TAFA4: variants seen among roughly 807,000 people sequenced by gnomAD.
TAFA4 encodes TAFA chemokine like family member 4.
A neutral mutation model predicts 21.1 loss-of-function variants in TAFA4; 20 were observed. That is an observed-to-expected ratio of 0.95 (90% CI 0.67 to 1.38). The LOEUF (loss-of-function observed/expected upper bound fraction) is 1.38, where lower values mean the gene tolerates loss of function less well. Ranked by LOEUF, TAFA4 falls within the 40% of genes most tolerant of loss-of-function variation. The probability of loss-of-function intolerance (pLI) is 0.00; values close to 1 mark genes in which losing one functional copy is unlikely to be tolerated. For synonymous variants in TAFA4, 71 were observed against 67.4 expected (o/e 1.05, Z -0.26); for missense variants, 211 against 180.9 (o/e 1.17, Z -0.95).
chr3:68,767,262 T>G (rs1023288304), intron 3 of TAFA4, among the ~76,000 whole-genome samples: 10 of 151,998 alleles, frequency 6.6e-5, no homozygotes, highest in Admixed American at 4.6e-4. Flanking sequence ...TAGAGAGAGA[T>G]ATGGGGCCCA....
At chr3:68,738,246 G>GC (rs1702279253) in intron 5 of TAFA4, among the ~76,000 whole-genome samples, 1 of 152,164 alleles carries the variant, frequency 6.6e-6, no homozygotes, top group African/African-American at 2.4e-5. Flanking sequence ...CTGACAAAAG[G>GC]CCAGGATGTT....
chr3:68,787,708 C>T (rs963087034), intron 3 of TAFA4, among the ~76,000 whole-genome samples: 3 of 152,164 alleles, frequency 2.0e-5, no homozygotes, highest in African/African-American at 2.4e-5. Flanking sequence ...TGGTACAGTC[C>T]CTGACTGCAT....
At chr3:68,842,625 A>G (rs1329884997) in intron 3 of TAFA4, among the ~76,000 whole-genome samples, 1 of 152,154 alleles carries the variant, frequency 6.6e-6, no homozygotes, top group Non-Finnish European at 1.5e-5. Flanking sequence ...GTCCATGCCT[A>G]TGTCCTGAGT....
At chr3:68,810,058 T>A (rs912364946) in intron 3 of TAFA4, among the ~76,000 whole-genome samples, 2 of 152,178 alleles carry the variant, frequency 1.3e-5, no homozygotes, top group Non-Finnish European at 2.9e-5. Context: ...CTATTCAGGG[T>A]CTTTTGTGGT....
intron 3 of TAFA4, among the ~76,000 whole-genome samples, chr3:68,858,254 T>C (rs1010716254): frequency 5.3e-5 from 8 of 152,124 alleles, no homozygotes; most frequent in Non-Finnish European, 1.2e-4. Flanking sequence ...CACGGCATCC[T>C]TTCTACATGC....
intron 3 of TAFA4, among the ~76,000 whole-genome samples, chr3:68,768,624 A>T (rs908720020): frequency 6.6e-6 from 1 of 152,146 alleles, no homozygotes; most frequent in African/African-American, 2.4e-5. Context: ...ATAAAATCAT[A>T]TGCCAAAAAA....
intron 1 of TAFA4, among the ~76,000 whole-genome samples, chr3:68,921,260 G>A (rs769795136): frequency 5.3e-5 from 8 of 151,872 alleles, no homozygotes; most frequent in Non-Finnish European, 1.0e-4. Flanking sequence ...CAGTCCATCC[G>A]CTCTGCTTGG....
At chr3:68,835,572 T>C (rs1234265481) in intron 3 of TAFA4, among the ~76,000 whole-genome samples, 1 of 152,236 alleles carries the variant, frequency 6.6e-6, no homozygotes, top group African/African-American at 2.4e-5. Context: ...TAAGGTAAAC[T>C]AGTCGGGTTA....
intron 3 of TAFA4, among the ~76,000 whole-genome samples, chr3:68,772,119 A>AGAT (rs1702968900): frequency 6.6e-6 from 1 of 152,238 alleles, no homozygotes; most frequent in Admixed American, 6.5e-5. Context: ...GACATAAAAT[A>AGAT]GATGAGCTTT....
At chr3:68,856,515 A>G (rs1304409545) in intron 3 of TAFA4, among the ~76,000 whole-genome samples, 2 of 151,968 alleles carry the variant, frequency 1.3e-5, no homozygotes, top group Admixed American at 1.3e-4. Context: ...CTTGGCCTGT[A>G]TTTTTAACCC....
chr3:68,841,605 T>C (rs1254525836), intron 3 of TAFA4, among the ~76,000 whole-genome samples: 1 of 152,130 alleles, frequency 6.6e-6, no homozygotes, highest in Non-Finnish European at 1.5e-5. Context: ...ATGTGCGATC[T>C]GTTACATAGG....
intron 3 of TAFA4, among the ~76,000 whole-genome samples, chr3:68,828,449 T>A (rs1455949786): frequency 2.1e-4 from 32 of 152,186 alleles, no homozygotes. Flanking sequence ...TAGCACTGAA[T>A]CTATAAATTA....
intron 3 of TAFA4, among the ~76,000 whole-genome samples, chr3:68,836,603 T>G (rs1463616325): frequency 6.6e-6 from 1 of 152,226 alleles, no homozygotes; most frequent in East Asian, 1.9e-4. Context: ...AAGCACCTAC[T>G]ACATTCCAGG....
chr3:68,879,200 G>C (rs960413515), intron 3 of TAFA4, among the ~76,000 whole-genome samples: 3 of 152,064 alleles, frequency 2.0e-5, no homozygotes, highest in Non-Finnish European at 4.4e-5. Context: ...ATAACACTCT[G>C]CAACTTGCTC....
Position 68,788,403 on chromosome 3 carries a change from C to T in TAFA4, c.131-35385G>A, listed in dbSNP as rs114980384. Among the ~76,000 whole-genome samples, 996 of 152,266 alleles carry T rather than the reference C, an allele frequency of 6.5e-3. 12 individuals carry two copies. Among genetic ancestry groups the T allele is most frequent in the African/African-American group, 0.023 (964 of 41,560 alleles). ...ATCTTTACTCCAACATTTCCTTTTT[C>T]GGAGAGGTCATTTCTGACTATGCTA... On this transcript the variant is annotated intron_variant, in intron 3 of 5. Transcript: ENST00000295569.
At chr3:68,850,649 T>G (rs1421449727) in intron 3 of TAFA4, among the ~76,000 whole-genome samples, 1 of 152,196 alleles carries the variant, frequency 6.6e-6, no homozygotes, top group East Asian at 1.9e-4. Context: ...ATCAGTGATG[T>G]CAAGCTTTTT....
At chr3:68,817,863 T>C (rs1419865039) in intron 3 of TAFA4, among the ~76,000 whole-genome samples, 1 of 152,070 alleles carries the variant, frequency 6.6e-6, no homozygotes, top group Non-Finnish European at 1.5e-5. Flanking sequence ...ATAGGCAGAG[T>C]AGACTTAGCA....
chr3:68,733,294 A>G, intron 5 of TAFA4, 141 bp from the exon 6 acceptor site: 3 of 1,082,024 alleles, frequency 2.8e-6, no homozygotes, highest in Non-Finnish European at 3.9e-6. Flanking sequence ...CACCAAATCA[A>G]CAGTTCAAAT....
intron 3 of TAFA4, among the ~76,000 whole-genome samples, chr3:68,810,942 C>G (rs1381977203): frequency 3.3e-5 from 5 of 152,182 alleles, no homozygotes; most frequent in Non-Finnish European, 7.3e-5. Flanking sequence ...AGTCTGACAC[C>G]TCACACGGCC....
Sources: allele counts gnomAD v4.1 joint callset (sites outside exome capture counted in the v4.1 genomes callset), GRCh38; gene constraint gnomAD v4.1.1; transcripts MANE v1.5; gene names NCBI Gene and HGNC (gene_info 2026-07-23, HGNC 2026-07-21).